NEO1: variants seen among roughly 807,000 people sequenced by gnomAD.
NEO1 encodes neogenin.
In NEO1, 63 loss-of-function variants were observed where a neutral mutation model predicts 159.7. The ratio of observed to expected loss-of-function variants is 0.39; its 90% CI spans 0.32 to 0.49. NEO1 has a LOEUF of 0.49. Among genes scored for constraint, NEO1 ranks in the 20% least tolerant of loss-of-function variants. The pLI is 0.85. For missense variants in NEO1, 1,615 were observed against 1,831.0 expected (o/e 0.88, Z 2.15); for synonymous variants, 633 against 662.0 (o/e 0.96, Z 0.67).
intron 15 of NEO1, among the ~76,000 whole-genome samples, chr15:73,262,238 C>A (rs1019509328): frequency 6.6e-6 from 1 of 152,070 alleles, no homozygotes; most frequent in African/African-American, 2.4e-5. Flanking sequence ...CAGCACAAAT[C>A]ATAAAATTTA....
At chr15:73,093,878 C>T (rs1229700101) in intron 1 of NEO1, among the ~76,000 whole-genome samples, 2 of 152,094 alleles carry the variant, frequency 1.3e-5, no homozygotes, top group South Asian at 2.1e-4. Flanking sequence ...TGTGCCTGGC[C>T]GGAAGCTCCT....
chr15:73,236,968 C>A (rs974441814), intron 8 of NEO1, among the ~76,000 whole-genome samples: 2 of 152,132 alleles, frequency 1.3e-5, no homozygotes. Context: ...TCATTTCCAC[C>A]CCCTCAGGAG....
intron 5 of NEO1, among the ~76,000 whole-genome samples, chr15:73,136,973 C>G (rs916462333): frequency 6.6e-6 from 1 of 152,142 alleles, no homozygotes; most frequent in East Asian, 1.9e-4. Context: ...GGGACTGTTG[C>G]CTGAGGAATG....
intron 7 of NEO1, among the ~76,000 whole-genome samples, chr15:73,231,615 T>C (rs1321077573): frequency 1.3e-5 from 2 of 152,118 alleles, no homozygotes; most frequent in Non-Finnish European, 2.9e-5. Context: ...ATGCCTGTGG[T>C]CCTAGCTGCT....
chr15:73,097,357 C>CT (rs34372480), intron 1 of NEO1, among the ~76,000 whole-genome samples: 45,880 of 102,604 alleles, frequency 0.45, 11,969 homozygotes, highest in Admixed American at 0.49. Flanking sequence ...GTCAGAGCCT[C>CT]TTTTTTTTTT....
intron 3 of NEO1, 92 bp downstream of exon 3, chr15:73,122,892 G>A (rs1374433009): frequency 2.3e-5 from 34 of 1,472,974 alleles, no homozygotes; most frequent in Non-Finnish European, 1.5e-5. Context: ...AATGTTGGCC[G>A]GGCGCAGTGG....
At chr15:73,245,503 G>T (rs2039742588) in intron 9 of NEO1, among the ~76,000 whole-genome samples, 1 of 151,998 alleles carries the variant, frequency 6.6e-6, no homozygotes, top group Non-Finnish European at 1.5e-5. Flanking sequence ...CTTAATAAAT[G>T]CTTTTCCTAC....
At chr15:73,077,572 AAGG>A (rs2068834593) in intron 1 of NEO1, among the ~76,000 whole-genome samples, 1 of 152,212 alleles carries the variant, frequency 6.6e-6, no homozygotes. Context: ...GTGTTCTCTG[AAGG>A]AGAAGTCCAG....
intron 7 of NEO1, among the ~76,000 whole-genome samples, chr15:73,218,710 G>A (rs2038052107): frequency 6.6e-6 from 1 of 152,188 alleles, no homozygotes; most frequent in South Asian, 2.1e-4. Flanking sequence ...TAGTTTATTT[G>A]CATAGAGGTG....
intron 5 of NEO1, among the ~76,000 whole-genome samples, chr15:73,173,142 C>T (rs1479075813): frequency 6.6e-6 from 1 of 152,142 alleles, no homozygotes; most frequent in Non-Finnish European, 1.5e-5. Context: ...CTTCAGTTTT[C>T]CTGTATCTAA....
chr15:73,083,433 A>C (rs1190478952), intron 1 of NEO1, among the ~76,000 whole-genome samples: 2 of 151,898 alleles, frequency 1.3e-5, no homozygotes, highest in Non-Finnish European at 2.9e-5. Context: ...ATAAATATAA[A>C]ACATATATAT....
At chr15:73,204,534 C>T (rs543071223) in intron 7 of NEO1, among the ~76,000 whole-genome samples, 50 of 152,076 alleles carry the variant, frequency 3.3e-4, no homozygotes, top group African/African-American at 1.2e-3. Context: ...CTCAATTGAC[C>T]CATTCTTTCC....
chr15:73,102,994 T>C (rs2070484058), intron 1 of NEO1, among the ~76,000 whole-genome samples: 1 of 152,148 alleles, frequency 6.6e-6, no homozygotes, highest in Non-Finnish European at 1.5e-5. Flanking sequence ...CCATCACCCT[T>C]TCCCCTCCTT....
intron 5 of NEO1, among the ~76,000 whole-genome samples, chr15:73,174,871 C>T (rs2035193578): frequency 6.6e-6 from 1 of 152,106 alleles, no homozygotes; most frequent in African/African-American, 2.4e-5. Context: ...AATAGATTTC[C>T]CTGATTTCAT....
chr15:73,116,392 A>G, intron 1 of NEO1, 148 bp from the exon 2 acceptor site: 1 of 594,220 alleles, frequency 1.7e-6, no homozygotes, highest in South Asian at 5.5e-5. Flanking sequence ...AATCTTATTT[A>G]TTAGACATTT....
At chr15:73,081,391 A>G (rs1444514539) in intron 1 of NEO1, among the ~76,000 whole-genome samples, 1 of 152,180 alleles carries the variant, frequency 6.6e-6, no homozygotes, top group Non-Finnish European at 1.5e-5. Context: ...ATAGAAGTAT[A>G]ATGTTCTGAG....
intron 7 of NEO1, among the ~76,000 whole-genome samples, chr15:73,192,041 G>T (rs2036262556): frequency 6.6e-6 from 1 of 151,928 alleles, no homozygotes; most frequent in Non-Finnish European, 1.5e-5. Flanking sequence ...AGTGCTTATT[G>T]TCTGTTAGTA....
intron 1 of NEO1, among the ~76,000 whole-genome samples, chr15:73,068,231 C>CCCCCCCCCCCG (rs55919404): frequency 1.3e-4 from 16 of 120,658 alleles, no homozygotes; most frequent in East Asian, 2.8e-4. Context: ...CTACCCCCCC[C>CCCCCCCCCCCG]CCTTTTTTTT....
chr15:73,267,601 A>C, intron 16 of NEO1, among the ~76,000 whole-genome samples: 1 of 131,068 alleles, frequency 7.6e-6, no homozygotes, highest in Non-Finnish European at 1.5e-5. Flanking sequence ...ATGTGTTCTC[A>C]TTGTTCAGCT....
Sources: allele counts gnomAD v4.1 joint callset (sites outside exome capture counted in the v4.1 genomes callset), GRCh38; gene constraint gnomAD v4.1.1; transcripts MANE v1.5; gene names NCBI Gene and HGNC (gene_info 2026-07-23, HGNC 2026-07-21).